NARF: variants seen among roughly 807,000 people sequenced by gnomAD.
NARF encodes the protein nuclear prelamin A recognition factor.
NARF carries 41 observed loss-of-function variants against 48.0 expected under a neutral mutation model. The ratio of observed to expected loss-of-function variants is 0.85; its 90% CI spans 0.66 to 1.11. The LOEUF (loss-of-function observed/expected upper bound fraction) is 1.11. Among genes scored for constraint, NARF ranks in the 50% least tolerant of loss-of-function variants. The probability of loss-of-function intolerance (pLI) is 0.00; values close to 1 mark genes in which losing one functional copy is unlikely to be tolerated. For missense variants in NARF, 613 were observed against 590.2 expected (o/e 1.04, Z -0.40); for synonymous variants, 215 against 225.5 (o/e 0.95, Z 0.42).
At chr17:82,460,256 G>A (rs1197561783) in intron 2 of NARF, 184 bp downstream of exon 2, 1 of 476,240 alleles carries the variant, frequency 2.1e-6, no homozygotes, top group African/African-American at 2.0e-5. Flanking sequence ...CTTGAGGTCA[G>A]GAGTTTGAGA....
rs565100145 is a variant in NARF at position 82,476,222 on chromosome 17, G to A, written c.521-2578G>A. On this transcript the variant is annotated intron_variant, in intron 5 of 10. Coordinates refer to ENST00000309794, the MANE Select transcript of NARF (RefSeq NM_012336.4). ...AGGGTTTTACCATTTTGGTCAGGCT[G>A]GTCTCAAACTCCTGACCTCAGGTGA... 2.2e-4 allele frequency among the ~76,000 whole-genome samples: 33 copies of A among 152,216 alleles called. 1 individual carries two copies. The highest frequency in any genetic ancestry group is 7.7e-4 in the African/African-American group (32 of 41,536).
At chr17:82,458,496 T>TC (rs1299742666), upstream of NARF, 4 of 353,330 alleles carry the variant, frequency 1.1e-5, no homozygotes, top group Non-Finnish European at 1.0e-5. Flanking sequence ...AAGGACCCGG[T>TC]CCCCCCGGCG....
rs372672922 is a variant in NARF at position 82,472,536 on chromosome 17, A to C, written c.386-28A>C. The C allele has an allele frequency of 1.9e-6, 3 of 1,572,684 alleles. No homozygotes were observed. In the African/African-American group the frequency reaches 4.2e-5, roughly 22 times the overall value. On this transcript the variant is annotated intron_variant, in intron 4 of 10. Coordinates refer to ENST00000309794, the MANE Select transcript of NARF (RefSeq NM_012336.4). The stretch of plus-strand genomic sequence containing the variant: ...AAGTAGATCTTTTAGTACGTGATTT[A>C]AGCTGAATATGCTCCTCTCTCCTGC...
At chr17:82,467,428 C>A (rs1478656750) in intron 3 of NARF, among the ~76,000 whole-genome samples, 3 of 152,184 alleles carry the variant, frequency 2.0e-5, no homozygotes, top group Admixed American at 2.0e-4. Context: ...TTTTTTAGAA[C>A]AGTTTGTAGA....
At chr17:82,469,969 T>C (rs992200050) in intron 4 of NARF, among the ~76,000 whole-genome samples, 3 of 151,108 alleles carry the variant, frequency 2.0e-5, no homozygotes, top group African/African-American at 7.3e-5. Flanking sequence ...TGGTGGCTCA[T>C]GCCTGTAATC....
Position 82,460,020 on chromosome 17 carries a change from A to T in NARF, c.56A>T (p.Asp19Val). Reference sequence around the variant, plus strand: ...TGTAGTAAGAAAACAAAAACTGATGACCAAGAGAATGTGTCAGCCGATGCA... The same window carrying T: ...TGTAGTAAGAAAACAAAAACTGATGTCCAAGAGAATGTGTCAGCCGATGCA... ...KECSKKTKTDDQENVSADAPS... is the reference protein window; with the variant it reads ...KECSKKTKTDVQENVSADAPS... Residue 19 changes from aspartate to valine, a missense_variant, in exon 2 of 11, where the codon GAC becomes GTC. Coordinates refer to ENST00000309794, the MANE Select transcript of NARF (RefSeq NM_012336.4). 1 of 1,613,808 alleles carries T rather than the reference A, an allele frequency of 6.2e-7. No homozygotes were observed. The highest frequency in any genetic ancestry group is 8.5e-7 in the Non-Finnish European group (1 of 1,179,848).
intron 3 of NARF, among the ~76,000 whole-genome samples, chr17:82,466,489 GTC>G (rs2043571307): frequency 6.6e-6 from 1 of 151,982 alleles, no homozygotes; most frequent in Non-Finnish European, 1.5e-5. Flanking sequence ...GTCTCTCACT[GTC>G]TCTCAGGCTG....
At chr17:82,463,035 C>T (rs1328721368) in intron 2 of NARF, 1 of 152,102 alleles carries the variant, frequency 6.6e-6, no homozygotes, top group South Asian at 2.1e-4. Flanking sequence ...TGCAGCAGAA[C>T]AAGATCCCAG....
rs1414758019 is a variant in NARF at position 82,483,787 on chromosome 17, G to A, written c.833+8G>A. On this transcript the variant is annotated splice_region_variant and intron_variant, in intron 8 of 10. Transcript: ENST00000309794. ...TGCTGCCGTCGACACTCTGTAAGTG[G>A]CTTCTCTGGGGAGAGTCCTCTGGGG... 4 of 1,613,186 alleles carry A rather than the reference G, an allele frequency of 2.5e-6. No individual in the cohort carries two copies. The highest frequency in any genetic ancestry group is 1.3e-5 in the African/African-American group (1 of 75,014).
Position 82,464,383 on chromosome 17 carries a change from T to G in NARF, c.205T>G (p.Ser69Ala). 2 of 1,614,054 alleles carry G rather than the reference T, an allele frequency of 1.2e-6. No individual in the cohort carries two copies. Among genetic ancestry groups the G allele is most frequent in the African/African-American group, 1.3e-5 (1 of 75,058 alleles). ...GACTGCAGAGGAAGGAGTCCAACTT[T>G]CCCAGCAAAATGCCAAGGACTTCTT... Reference protein sequence around the residue: ...CMTAEEGVQLSQQNAKDFFRV... With the variant: ...CMTAEEGVQLAQQNAKDFFRV... The change falls in exon 3 of 11, where the codon TCC becomes GCC. Residue 69 changes from serine (S) to alanine (A), a missense_variant. Transcript: ENST00000309794.
At chr17:82,478,770 G>T (rs753512145) in intron 5 of NARF, 30 bp from the exon 6 acceptor site, 11 of 1,594,372 alleles carry the variant, frequency 6.9e-6, no homozygotes, top group Non-Finnish European at 1.7e-6. Flanking sequence ...AAGCAGTAAG[G>T]AGCTGACCGT....
chr17:82,468,982 G>T, intron 4 of NARF, 86 bp downstream of exon 4: 3 of 1,483,182 alleles, frequency 2.0e-6, no homozygotes, highest in Non-Finnish European at 9.2e-7. Context: ...TTTCAAGGAC[G>T]CAGGGTAGAT....
intron 5 of NARF, 185 bp from the exon 6 acceptor site, chr17:82,478,615 T>C (rs1454008966): frequency 8.8e-6 from 6 of 680,646 alleles, no homozygotes; most frequent in Non-Finnish European, 1.3e-5. Context: ...CAGGTTCCCA[T>C]GACCCACAGC....
At chr17:82,461,950 G>A (rs1164324987) in intron 2 of NARF, among the ~76,000 whole-genome samples, 8 of 152,164 alleles carry the variant, frequency 5.3e-5, no homozygotes, top group Non-Finnish European at 1.0e-4. Context: ...AGAGAGGTAG[G>A]GTGCATTGGA....
Position 82,478,821 on chromosome 17 carries a change from G to A in NARF, c.542G>A (p.Arg181Gln), listed in dbSNP as rs760317433. ...CCAGGCTGGGTCCGATACGCCGAGCGGGTGCTGGGTCGCCCCATCACTGCC... is the reference window on the plus strand; with the variant it reads ...CCAGGCTGGGTCCGATACGCCGAGCAGGTGCTGGGTCGCCCCATCACTGCC... ...ACPGWVRYAE[R>Q]VLGRPITAHL... The change falls in exon 6 of 11, where the codon CGG becomes CAG. Residue 181 changes from arginine (R) to glutamine (Q), a missense_variant. By Grantham distance (43) the Arg-to-Gln change is conservative. Coordinates refer to ENST00000309794, the MANE Select transcript of NARF (RefSeq NM_012336.4). The A allele has an allele frequency of 2.3e-5, 37 of 1,613,742 alleles. No individual in the cohort carries two copies. Among genetic ancestry groups the A allele is most frequent in the Non-Finnish European group, 2.9e-5 (34 of 1,179,956 alleles).
chr17:82,487,108 A>G (rs943200919), intron 10 of NARF, among the ~76,000 whole-genome samples: 4 of 152,232 alleles, frequency 2.6e-5, no homozygotes, highest in Admixed American at 6.5e-5. Context: ...GGATTTGCAT[A>G]TGAAGCCACC....
intron 7 of NARF, chr17:82,482,394 G>T: frequency 1.0e-5 from 1 of 98,998 alleles, no homozygotes; most frequent in Non-Finnish European, 1.8e-5. Flanking sequence ...GAAGGGCCCA[G>T]GGGCCATCTG....
chr17:82,466,662 AG>A (rs1172380228), intron 3 of NARF, among the ~76,000 whole-genome samples: 1 of 152,152 alleles, frequency 6.6e-6, no homozygotes, highest in African/African-American at 2.4e-5. Context: ...CATGTTGGCC[AG>A]GCTGGTCTCG....
Position 82,467,948 on chromosome 17 carries a change from C to T in NARF, c.253-816C>T, listed in dbSNP as rs954917537. ...AAATTATTTATTTTTTCCAGATATT[C>T]ACATTTACTGATATAACATTGTTCT... is the stretch of plus-strand genomic sequence containing the variant. On this transcript the variant is annotated intron_variant, in intron 3 of 10. Coordinates refer to ENST00000309794, the MANE Select transcript of NARF (RefSeq NM_012336.4). Among the ~76,000 whole-genome samples, 3 of 152,196 alleles carry T rather than the reference C, an allele frequency of 2.0e-5. No homozygotes were observed. In the East Asian group the frequency reaches 5.8e-4, roughly 29 times the overall value.
Sources: allele counts gnomAD v4.1 joint callset (sites outside exome capture counted in the v4.1 genomes callset), GRCh38; gene constraint gnomAD v4.1.1; transcripts MANE v1.5; gene names NCBI Gene and HGNC (gene_info 2026-07-23, HGNC 2026-07-21).